NAV3: variants seen among roughly 807,000 people sequenced by gnomAD.
NAV3 encodes neuron navigator 3, also known as pore membrane and/or filament interacting like protein 1.
In NAV3, 87 loss-of-function variants were observed where a neutral mutation model predicts 244.7. The ratio of observed to expected loss-of-function variants is 0.36; its 90% CI spans 0.30 to 0.42. The LOEUF is 0.42. Among genes scored for constraint, NAV3 ranks in the 20% least tolerant of loss-of-function variants. The pLI is 1.00. For synonymous variants in NAV3, 1,126 were observed against 1,042.2 expected, an observed-to-expected ratio of 1.08 and a Z score of -1.55; for missense variants, 2,663 against 2,893.3, an observed-to-expected ratio of 0.92 and a Z score of 1.83.
At chr12:77,816,435 A>T (rs918453135) in intron 2 of NAV3, among the ~76,000 whole-genome samples, 1 of 152,202 alleles carries the variant, frequency 6.6e-6, no homozygotes, top group Non-Finnish European at 1.5e-5. Flanking sequence ...TCTGAGATGA[A>T]GTCATTTGAC....
At chr12:77,947,538 T>C (rs559058800) in intron 3 of NAV3, 6 of 152,024 alleles carry the variant, frequency 3.9e-5, no homozygotes, top group African/African-American at 1.4e-4. Flanking sequence ...ATTGTAGCAC[T>C]ATGACTCAGA....
At chr12:77,893,350 T>C (rs1418161962) in intron 1 of NAV3, among the ~76,000 whole-genome samples, 1 of 152,116 alleles carries the variant, frequency 6.6e-6, no homozygotes, top group Non-Finnish European at 1.5e-5. Context: ...AACTGACCAA[T>C]ATGCTATGCT....
chr12:77,870,851 C>G (rs781429286), intron 1 of NAV3, among the ~76,000 whole-genome samples: 5 of 152,178 alleles, frequency 3.3e-5, no homozygotes, highest in Non-Finnish European at 1.5e-5. Context: ...TCATCCACAA[C>G]GTAGAAGCAA....
intron 1 of NAV3, among the ~76,000 whole-genome samples, chr12:77,892,764 T>G (rs1196247137): frequency 6.6e-6 from 1 of 152,200 alleles, no homozygotes; most frequent in Non-Finnish European, 1.5e-5. Flanking sequence ...CTGTAGATTT[T>G]GAGAAAATTA....
Position 77,974,100 on chromosome 12 carries a change from T to A in NAV3, c.671+5398T>A, listed in dbSNP as rs148373096. 1.3e-3 allele frequency among the ~76,000 whole-genome samples: 194 copies of A among 152,180 alleles called. 2 individuals carry two copies. Among genetic ancestry groups the A allele is most frequent in the African/African-American group, 4.3e-3 (180 of 41,550 alleles). ...TCTAACACTGGTGTTTCGGTTGTTA[T>A]AGATGAAGATTATATTATAGTAAAG... On this transcript the variant is annotated intron_variant, in intron 5 of 39. Coordinates refer to ENST00000397909, the MANE Select transcript of NAV3 (RefSeq NM_001024383.2).
At chr12:78,082,221 T>G (rs1009057002) in intron 12 of NAV3, among the ~76,000 whole-genome samples, 1 of 152,190 alleles carries the variant, frequency 6.6e-6, no homozygotes, top group Non-Finnish European at 1.5e-5. Context: ...TGTGAGTCAA[T>G]TAAACTTCTT....
intron 2 of NAV3, among the ~76,000 whole-genome samples, chr12:77,787,353 C>T (rs1463965794): frequency 2.0e-5 from 3 of 152,098 alleles, no homozygotes; most frequent in Non-Finnish European, 4.4e-5. Context: ...GTGTATTAGT[C>T]TGTTCTCATG....
At chr12:78,165,043 C>T (rs1237407622) in intron 23 of NAV3, among the ~76,000 whole-genome samples, 3 of 151,978 alleles carry the variant, frequency 2.0e-5, no homozygotes, top group African/African-American at 4.8e-5. Context: ...CTGACCTGAA[C>T]GAATTGTTTA....
At chr12:77,943,568 C>A (rs981344835) in intron 3 of NAV3, among the ~76,000 whole-genome samples, 1 of 152,062 alleles carries the variant, frequency 6.6e-6, no homozygotes, top group African/African-American at 2.4e-5. Flanking sequence ...ATAAAAATTC[C>A]AGACTTTAAT....
intron 3 of NAV3, among the ~76,000 whole-genome samples, chr12:77,965,093 C>A (rs1021960507): frequency 6.6e-6 from 1 of 152,070 alleles, no homozygotes; most frequent in Admixed American, 6.6e-5. Flanking sequence ...TAGGACCTTG[C>A]CAAGTTATTA....
At chr12:77,842,089 T>C (rs983645250) in intron 1 of NAV3, among the ~76,000 whole-genome samples, 1 of 152,154 alleles carries the variant, frequency 6.6e-6, no homozygotes, top group Non-Finnish European at 1.5e-5. Flanking sequence ...TAAAAAATAG[T>C]CTAAGGTGCT....
rs139042554 is a variant in NAV3, at chr12:77,731,313, A to G, written c.72+159047A>G. 5.1e-3 allele frequency among the ~76,000 whole-genome samples: 773 copies of G among 152,132 alleles called. 3 individuals are homozygous for G. Among genetic ancestry groups the G allele is most frequent in the Non-Finnish European group, 6.8e-3 (464 of 67,944 alleles). ...ATAAGTTGCAATAATGGATTATCCTATATGTTCTATTGTAGAGAGTTATAG... is the reference window on the plus strand; with the variant it reads ...ATAAGTTGCAATAATGGATTATCCTGTATGTTCTATTGTAGAGAGTTATAG... On this transcript the variant is annotated intron_variant, in intron 2 of 8. Transcript: ENST00000550042.
intron 2 of NAV3, among the ~76,000 whole-genome samples, chr12:77,597,512 G>A (rs1786427167): frequency 6.6e-6 from 1 of 152,076 alleles, no homozygotes; most frequent in South Asian, 2.1e-4. Flanking sequence ...ATTTTTGCTA[G>A]CATATTAAGT....
intron 1 of NAV3, among the ~76,000 whole-genome samples, chr12:77,857,564 TATC>T (rs1479241037): frequency 1.3e-5 from 2 of 151,892 alleles, no homozygotes; most frequent in Non-Finnish European, 1.5e-5. Flanking sequence ...ATTTAAATAT[TATC>T]ATTTTGGTTG....
chr12:77,845,852 C>T (rs141777669), intron 1 of NAV3, among the ~76,000 whole-genome samples: 1 of 151,986 alleles, frequency 6.6e-6, no homozygotes, highest in African/African-American at 2.4e-5. Flanking sequence ...GGGGTGTCTC[C>T]ATGTTGCTCA....
intron 3 of NAV3, among the ~76,000 whole-genome samples, chr12:77,948,641 G>A (rs1005022763): frequency 1.9e-4 from 28 of 150,858 alleles, no homozygotes; most frequent in Admixed American, 6.0e-4. Context: ...TTTAATAGTT[G>A]GTGTTTTTAA....
chr12:77,988,650 C>T (rs1565992019), intron 5 of NAV3, among the ~76,000 whole-genome samples: 2 of 152,088 alleles, frequency 1.3e-5, no homozygotes, highest in Admixed American at 6.6e-5. Context: ...ATCTTTTGCC[C>T]ACCATAAACA....
intron 2 of NAV3, among the ~76,000 whole-genome samples, chr12:77,774,972 A>G (rs376261014): frequency 4.6e-5 from 7 of 152,336 alleles, no homozygotes; most frequent in East Asian, 3.9e-4. Flanking sequence ...TGGTCATAGT[A>G]TGAGGAAGTT....
rs528388784 is a variant in NAV3 at position 77,762,733 on chromosome 12, T to C, written c.73-177586T>C. ...AGGCTTCATGGGTTTTTTGTTGTTGTTGTTGTTGTTGTTGTTGTTGTTGTT... is the reference window on the plus strand; with the variant it reads ...AGGCTTCATGGGTTTTTTGTTGTTGCTGTTGTTGTTGTTGTTGTTGTTGTT... On this transcript the variant is annotated intron_variant, in intron 2 of 8. Transcript: ENST00000550042. Among the ~76,000 whole-genome samples, 561 of 149,352 alleles carry C rather than the reference T, an allele frequency of 3.8e-3. 4 individuals are homozygous for C. Among genetic ancestry groups the C allele is most frequent in the Non-Finnish European group, 7.1e-3 (474 of 67,210 alleles).
Sources: gnomAD v4.1 joint callset for allele counts (sites outside exome capture counted in the v4.1 genomes callset) on GRCh38, gnomAD v4.1.1 for gene constraint, MANE v1.5 for transcripts, NCBI Gene and HGNC (gene_info 2026-07-23, HGNC 2026-07-21) for gene names.